The following CFAP77 variants were observed in gnomAD, a reference collection of about 807,000 sequenced individuals.
CFAP77 encodes cilia and flagella associated protein 77.
Under a neutral mutation model 31.1 loss-of-function variants are expected in CFAP77, and 25 were observed. The ratio of observed to expected loss-of-function variants is 0.80; its 90% CI spans 0.59 to 1.12. The LOEUF is 1.12. Ranked by LOEUF, CFAP77 falls within the 50% of genes most tolerant of loss-of-function variation. CFAP77 has a pLI of 0.00. For synonymous variants in CFAP77, 151 were observed against 159.9 expected, an observed-to-expected ratio of 0.94 and a Z score of 0.42; for missense variants, 377 against 397.3, an observed-to-expected ratio of 0.95 and a Z score of 0.44.
In CFAP77 at chr9:132,490,859, C is replaced by T. The variant is rs542372131; in HGVS notation, c.196-7836C>T. On this transcript the variant is annotated intron_variant, in intron 1 of 5. Transcript: ENST00000393216. This position sits in a 1 kb window ranked among gnomAD's most constrained non-coding sequence, Gnocchi z 4.6. Reference sequence around the variant, plus strand: ...ATGAGAAAAGAAATCAATGTCCGGCCGGGGCCACTGTCTGCATGGCGTCTG... The same window carrying T: ...ATGAGAAAAGAAATCAATGTCCGGCTGGGGCCACTGTCTGCATGGCGTCTG... Among the ~76,000 whole-genome samples the T allele has an allele frequency of 1.4e-4, 22 of 152,272 alleles. No individual in the cohort carries two copies. The highest frequency in any genetic ancestry group is 1.2e-3 in the South Asian group (6 of 4,820).
intron 1 of CFAP77, among the ~76,000 whole-genome samples, chr9:132,461,391 G>A (rs490198): frequency 0.37 from 55,518 of 152,008 alleles, 11,115 homozygotes; most frequent in African/African-American, 0.55. Flanking sequence ...GGTACAGCCC[G>A]GTGCTGCCAA....
intron 1 of CFAP77, among the ~76,000 whole-genome samples, chr9:132,419,190 CA>C (rs1385362594): frequency 1.3e-5 from 2 of 152,062 alleles, no homozygotes; most frequent in East Asian, 3.8e-4. Context: ...ATGAACCAAA[CA>C]ATACATATTT....
intron 5 of CFAP77, among the ~76,000 whole-genome samples, chr9:132,571,414 G>A (rs1045443610): frequency 3.9e-5 from 6 of 152,034 alleles, no homozygotes; most frequent in South Asian, 2.1e-4. Context: ...TTCTCACTGC[G>A]CACTCCCCAG....
intron 1 of CFAP77, among the ~76,000 whole-genome samples, chr9:132,427,805 T>C (rs958365264): frequency 6.6e-6 from 1 of 152,174 alleles, no homozygotes; most frequent in African/African-American, 2.4e-5. Context: ...CCTCTTTTTA[T>C]AGGGACAACT....
chr9:132,438,199 CAAAAAAAA>C (rs954482789), intron 1 of CFAP77, among the ~76,000 whole-genome samples: 2 of 47,888 alleles, frequency 4.2e-5, no homozygotes, highest in African/African-American at 7.6e-5. Flanking sequence ...GAGACGCCAT[CAAAAAAAA>C]AAAAAAAAAA....
chr9:132,460,990 T>G (rs953428748), intron 1 of CFAP77, among the ~76,000 whole-genome samples: 8 of 152,090 alleles, frequency 5.3e-5, no homozygotes, highest in Non-Finnish European at 1.2e-4. Flanking sequence ...TCTCCCAAAG[T>G]GCTGGGATTA....
intron 3 of CFAP77, among the ~76,000 whole-genome samples, chr9:132,521,921 C>T (rs1023135829): frequency 6.6e-6 from 1 of 152,000 alleles, no homozygotes; most frequent in Non-Finnish European, 1.5e-5. Flanking sequence ...GCCACCATGC[C>T]GAACTAATTT....
At position 132,463,302 on chromosome 9, in the gene CFAP77, T is replaced by C. The variant is rs1024189547; in HGVS notation, c.196-35393T>C. On this transcript the variant is annotated intron_variant, in intron 1 of 5. Transcript: ENST00000393216. ...AATTATGTGCACATATATACAAACA[T>C]GTTCTTGCGGTGTGGTTTTAGAGTG... Among the ~76,000 whole-genome samples, 6 of 152,112 alleles carry C rather than the reference T, an allele frequency of 3.9e-5. No homozygotes were observed. The South Asian group carries it at 1.2e-3, about 32-fold the overall frequency.
intron 1 of CFAP77, among the ~76,000 whole-genome samples, chr9:132,492,552 C>A (rs1466676854): frequency 6.6e-6 from 1 of 152,234 alleles, no homozygotes; most frequent in East Asian, 1.9e-4. Context: ...ACTGTGGAGT[C>A]AGATGTGGGT....
chr9:132,554,221 T>G lies in CFAP77; in HGVS notation c.732+11174T>G, dbSNP rs1852862198. ...TGTGGAAAAAACATGCTCGACGTGA[T>G]GGAATGTGCTCCGTTTGGCTTCATG... On this transcript the variant is annotated intron_variant, in intron 5 of 5. Transcript: ENST00000393216. This position sits in a 1 kb window ranked among gnomAD's most constrained non-coding sequence, Gnocchi z 4.1. Among the ~76,000 whole-genome samples, 1 of 152,240 alleles carries G rather than the reference T, an allele frequency of 6.6e-6. No homozygotes were observed. Among genetic ancestry groups the G allele is most frequent in the African/African-American group, 2.4e-5 (1 of 41,460 alleles).
At chr9:132,458,440 C>T (rs1246996635) in intron 1 of CFAP77, among the ~76,000 whole-genome samples, 2 of 151,676 alleles carry the variant, frequency 1.3e-5, no homozygotes, top group African/African-American at 2.4e-5. Context: ...ATTTTCCCAT[C>T]GTTGCTGCAT....
chr9:132,455,575 C>T lies in CFAP77; in HGVS notation c.196-43120C>T, dbSNP rs1850898376. On this transcript the variant is annotated intron_variant, in intron 1 of 5. Transcript: ENST00000393216. This position sits in a 1 kb window ranked among gnomAD's most constrained non-coding sequence, Gnocchi z 4.1. ...CGAGACCCTATCTCTACTAAAAATACAAAAAAATAGCTCTGTATGATGGTA... is the reference window on the plus strand; with the variant it reads ...CGAGACCCTATCTCTACTAAAAATATAAAAAAATAGCTCTGTATGATGGTA... 6.6e-6 allele frequency among the ~76,000 whole-genome samples: 1 copy of T among 151,144 alleles called. No homozygotes were observed. The highest frequency in any genetic ancestry group is 2.1e-4 in the South Asian group (1 of 4,788).
At chr9:132,438,518 G>GTTATATATATATATATATAT (rs1334397510) in intron 1 of CFAP77, among the ~76,000 whole-genome samples, 16 of 111,186 alleles carry the variant, frequency 1.4e-4, no homozygotes, top group Non-Finnish European at 2.1e-4. Flanking sequence ...GAACAGATAT[G>GTTATATATATATATATATAT]GTATATATAT....
At chr9:132,513,514 G>A (rs1195205586) in intron 3 of CFAP77, 1 of 813,712 alleles carries the variant, frequency 1.2e-6, no homozygotes, top group African/African-American at 1.7e-5. Flanking sequence ...GCCCAGTTTT[G>A]CTCTGTCGTT....
intron 5 of CFAP77, among the ~76,000 whole-genome samples, chr9:132,550,281 A>C (rs1047913831): frequency 1.3e-5 from 2 of 152,238 alleles, no homozygotes; most frequent in African/African-American, 4.8e-5. Flanking sequence ...GTTGAAAATC[A>C]CCAGAATCGA....
rs1180313863 is a variant in CFAP77 at position 132,437,834 on chromosome 9, A to AC, written c.195+27372dup. On this transcript the variant is annotated intron_variant, in intron 1 of 5. Coordinates refer to ENST00000393216, the MANE Select transcript of CFAP77 (RefSeq NM_001282957.2). ...CCCACTTTTGCATTTTAGAGAGATC[A>AC]CCCCGGGTGTGGAAAATGGGTATAT... is the stretch of plus-strand genomic sequence containing the variant. Among the ~76,000 whole-genome samples, 5 of 151,280 alleles carry AC rather than the reference A, an allele frequency of 3.3e-5. No individual in the cohort carries two copies. The East Asian group carries it at 7.9e-4, about 24-fold the overall frequency.
At chr9:132,538,311 C>T (rs1052398672) in intron 4 of CFAP77, among the ~76,000 whole-genome samples, 5 of 152,154 alleles carry the variant, frequency 3.3e-5, no homozygotes, top group East Asian at 1.9e-4. Flanking sequence ...GCGTGGAAGT[C>T]GAGGCTTGGG....
chr9:132,423,143 G>A (rs932931698), intron 1 of CFAP77, among the ~76,000 whole-genome samples: 1 of 152,198 alleles, frequency 6.6e-6, no homozygotes, highest in African/African-American at 2.4e-5. Context: ...CACCCAGGGG[G>A]CATAAATTCG....
chr9:132,419,290 G>C (rs1333808091), intron 1 of CFAP77, among the ~76,000 whole-genome samples: 1 of 152,160 alleles, frequency 6.6e-6, no homozygotes, highest in African/African-American at 2.4e-5. Context: ...TGAAAGTGGA[G>C]GCTCAGAACT....
Sources: allele counts gnomAD v4.1 joint callset (sites outside exome capture counted in the v4.1 genomes callset), GRCh38; gene constraint gnomAD v4.1.1; non-coding constraint Gnocchi (gnomAD v3.1); transcripts MANE v1.5; gene names NCBI Gene and HGNC (gene_info 2026-07-23, HGNC 2026-07-21).